The following HNRNPLL variants were observed in gnomAD, a reference collection of about 807,000 sequenced individuals.
HNRNPLL encodes the protein heterogeneous nuclear ribonucleoprotein L-like.
HNRNPLL carries 25 observed loss-of-function variants against 67.1 expected under a neutral mutation model. The ratio of observed to expected loss-of-function variants is 0.37; its 90% confidence interval spans 0.27 to 0.52. The LOEUF (loss-of-function observed/expected upper bound fraction) is 0.52. Among genes scored for constraint, HNRNPLL ranks in the 20% least tolerant of loss-of-function variants. The probability of loss-of-function intolerance (pLI) is 0.90; values close to 1 mark genes in which losing one functional copy is unlikely to be tolerated. For missense variants in HNRNPLL, 542 were observed against 673.9 expected, an observed-to-expected ratio of 0.80 and a Z score of 2.17; for synonymous variants, 267 against 241.7, an observed-to-expected ratio of 1.10 and a Z score of -0.97.
At chr2:38,571,563 G>T (rs1048372997) in intron 8 of HNRNPLL, among the ~76,000 whole-genome samples, 1 of 152,094 alleles carries the variant, frequency 6.6e-6, no homozygotes, top group Non-Finnish European at 1.5e-5. Context: ...AAACTCAGTC[G>T]TAACAGGATT....
intron 2 of HNRNPLL, among the ~76,000 whole-genome samples, chr2:38,590,227 T>C (rs1410487993): frequency 6.6e-6 from 1 of 152,222 alleles, no homozygotes. Flanking sequence ...ATGCAAGTTA[T>C]CACCTAATAC....
At chr2:38,564,661 G>A (rs1475399959) in intron 12 of HNRNPLL, among the ~76,000 whole-genome samples, 3 of 150,952 alleles carry the variant, frequency 2.0e-5, no homozygotes, top group Non-Finnish European at 3.0e-5. Context: ...GTAAAGTAAG[G>A]GAAAGATTTT....
chr2:38,568,268 C>T lies in HNRNPLL; in HGVS notation c.1504G>A (p.Glu502Lys), dbSNP rs1454169605. 6.2e-7 allele frequency: 1 copy of T among 1,613,686 alleles called. No individual in the cohort carries two copies. The highest frequency in any genetic ancestry group is 8.5e-7 in the Non-Finnish European group (1 of 1,179,742). Residue 502 changes from glutamate (E) to lysine (K), a missense_variant, in exon 12 of 13, where the codon GAA becomes AAA. Coordinates refer to ENST00000449105, the MANE Select transcript of HNRNPLL (RefSeq NM_138394.4). ...PSAKTLSGLL[E>K]WECKTDAVEA... ...ACTGCATCAGTTTTGCACTCCCATTCTAATAGCCCAGAAAGTGTTTTGGCT... is the reference window on the plus strand; with the variant it reads ...ACTGCATCAGTTTTGCACTCCCATTTTAATAGCCCAGAAAGTGTTTTGGCT...
At chr2:38,573,507 C>A (rs1666177175) in intron 7 of HNRNPLL, 80 bp from the exon 8 acceptor site, 1 of 880,438 alleles carries the variant, frequency 1.1e-6, no homozygotes, top group African/African-American at 1.7e-5. Flanking sequence ...ATATACTGCA[C>A]CACACACAAA....
chr2:38,585,336 G>A (rs534781451), intron 3 of HNRNPLL, among the ~76,000 whole-genome samples: 30 of 152,228 alleles, frequency 2.0e-4, no homozygotes, highest in Admixed American at 1.6e-3. Context: ...TGGCATATGC[G>A]TGACAGAGAT....
rs1220883812 is a variant in HNRNPLL, at chr2:38,591,585, C to A, written c.253G>T (p.Glu85Ter). ...SPVVHVRGLC[E>*]SVVEADLVEA... ...ACGAGGTCTGCTTCCACCACAGATTCACAGAGTCCTCGAACATGGACGACG... is the reference window on the plus strand; with the variant it reads ...ACGAGGTCTGCTTCCACCACAGATTAACAGAGTCCTCGAACATGGACGACG... Residue 85 changes from glutamate to a stop codon, truncating the protein, a stop_gained, in exon 2 of 13, where the codon GAA becomes TAA. Coordinates refer to ENST00000449105, the MANE Select transcript of HNRNPLL (RefSeq NM_138394.4). LOFTEE classifies it high-confidence loss of function. 1 of 1,613,980 alleles carries A rather than the reference C, an allele frequency of 6.2e-7. No homozygotes were observed. The highest frequency in any genetic ancestry group is 8.5e-7 in the Non-Finnish European group (1 of 1,179,862).
chr2:38,578,046 T>G (rs1338870701), intron 6 of HNRNPLL: 1 of 470,138 alleles, frequency 2.1e-6, no homozygotes, highest in Non-Finnish European at 4.4e-6. Context: ...GAGTATTTTA[T>G]AAGTATATGC....
At position 38,591,524 on chromosome 2, in the gene HNRNPLL, C is replaced by A. The variant is rs1238756334; in HGVS notation, c.308+6G>T. ...TCAATCTACATGAAGTCCCTATCAT[C>A]CTTACCATATTGTCCCAAATTTTTC... On this transcript the variant is annotated splice_donor_region_variant and intron_variant, in intron 2 of 12. Transcript: ENST00000449105. The A allele has an allele frequency of 6.9e-7, 1 of 1,457,616 alleles. No individual in the cohort carries two copies. The highest frequency in any genetic ancestry group is 2.3e-5 in the East Asian group (1 of 44,202). 90.3% of individuals were successfully genotyped at this position (1,457,616 alleles called of 1,614,324 possible).
intron 12 of HNRNPLL, among the ~76,000 whole-genome samples, chr2:38,564,684 C>T (rs1254988367): frequency 6.9e-6 from 1 of 145,902 alleles, no homozygotes; most frequent in African/African-American, 2.5e-5. Context: ...TTCATATTTA[C>T]TGGAAGGTAA....
At chr2:38,583,718 G>A (rs1666623218) in intron 4 of HNRNPLL, 123 bp downstream of exon 4, 2 of 501,886 alleles carry the variant, frequency 4.0e-6, no homozygotes, top group Non-Finnish European at 7.2e-6. Context: ...ATTTTTTAAA[G>A]CTAAGTCACG....
intron 1 of HNRNPLL, among the ~76,000 whole-genome samples, chr2:38,598,252 G>C (rs1273297561): frequency 1.3e-5 from 2 of 152,102 alleles, no homozygotes; most frequent in Non-Finnish European, 2.9e-5. Flanking sequence ...GGATAAATAC[G>C]GGCTGGGAAA....
chr2:38,594,707 G>C (rs1466202516), intron 1 of HNRNPLL, among the ~76,000 whole-genome samples: 1 of 152,122 alleles, frequency 6.6e-6, no homozygotes, highest in Non-Finnish European at 1.5e-5. Context: ...CCAGCACTTT[G>C]GGAGGCTGAC....
rs115959137 is a variant in HNRNPLL, at chr2:38,596,825, G to C, written c.190-5177C>G. Among the ~76,000 whole-genome samples, 208 of 152,032 alleles carry C rather than the reference G, an allele frequency of 1.4e-3. 1 individual carries two copies. Among genetic ancestry groups the C allele is most frequent in the African/African-American group, 4.9e-3 (204 of 41,456 alleles). Reference sequence around the variant, plus strand: ...CCAGACTAGAAACAATATCCCAGCTGCGTACCCAGAAAAAGAAGGCATGCT... The same window carrying C: ...CCAGACTAGAAACAATATCCCAGCTCCGTACCCAGAAAAAGAAGGCATGCT... On this transcript the variant is annotated intron_variant, in intron 1 of 12. Transcript: ENST00000449105.
intron 1 of HNRNPLL, chr2:38,600,016 C>T: frequency 2.3e-6 from 1 of 429,730 alleles, no homozygotes; most frequent in Non-Finnish European, 4.8e-6. Context: ...AACGAAGAAG[C>T]ACAAGACAGT....
At chr2:38,591,863 C>A (rs1003115476) in intron 1 of HNRNPLL, among the ~76,000 whole-genome samples, 1 of 152,150 alleles carries the variant, frequency 6.6e-6, no homozygotes, top group East Asian at 1.9e-4. Flanking sequence ...GTAATCCCAG[C>A]TACTCTGGAG....
intron 7 of HNRNPLL, among the ~76,000 whole-genome samples, chr2:38,575,268 A>G (rs1666254081): frequency 6.6e-6 from 1 of 151,872 alleles, no homozygotes; most frequent in Non-Finnish European, 1.5e-5. Context: ...AAAGTTTTCT[A>G]TACTAAATTG....
intron 3 of HNRNPLL, among the ~76,000 whole-genome samples, chr2:38,584,982 T>C (rs1666668334): frequency 6.6e-6 from 1 of 152,128 alleles, no homozygotes; most frequent in Non-Finnish European, 1.5e-5. Flanking sequence ...AAGAATATCT[T>C]ATGCTTTAAG....
chr2:38,588,808 G>C (rs1666842503), intron 2 of HNRNPLL, among the ~76,000 whole-genome samples: 1 of 152,018 alleles, frequency 6.6e-6, no homozygotes, highest in African/African-American at 2.4e-5. Flanking sequence ...TCAGGAAGCT[G>C]AAAGTGGGAA....
At chr2:38,597,279 C>T (rs575511190) in intron 1 of HNRNPLL, among the ~76,000 whole-genome samples, 8 of 152,268 alleles carry the variant, frequency 5.3e-5, no homozygotes, top group South Asian at 4.2e-4. Flanking sequence ...ACTCTTCAGG[C>T]GAAATATCCT....
Sources: gnomAD v4.1 joint callset for allele counts (sites outside exome capture counted in the v4.1 genomes callset) on GRCh38, gnomAD v4.1.1 for gene constraint, MANE v1.5 for transcripts, NCBI Gene and HGNC (gene_info 2026-07-23, HGNC 2026-07-21) for gene names.